CIT: variants seen among roughly 807,000 people sequenced by gnomAD.
The protein encoded by CIT is citron Rho-interacting kinase.
In CIT, 79 loss-of-function variants were observed where a neutral mutation model predicts 272.7. The ratio of observed to expected loss-of-function variants is 0.29; its 90% confidence interval spans 0.24 to 0.35. The LOEUF is 0.35. CIT is among the 10% of genes least tolerant of loss of function. The probability of loss-of-function intolerance (pLI) is 1.00; values close to 1 mark genes in which losing one functional copy is unlikely to be tolerated. For synonymous variants in CIT, 948 were observed against 995.6 expected, an observed-to-expected ratio of 0.95 and a Z score of 0.90; for missense variants, 1,909 against 2,618.3, an observed-to-expected ratio of 0.73 and a Z score of 5.91.
intron 10 of CIT, among the ~76,000 whole-genome samples, chr12:119,796,899 C>T (rs1001075986): frequency 7.9e-5 from 12 of 152,162 alleles, no homozygotes; most frequent in Non-Finnish European, 1.3e-4. Flanking sequence ...AATGGTATCA[C>T]GTGGTGAGAT....
chr12:119,713,571 G>A lies in CIT; in HGVS notation c.4384C>T (p.His1462Tyr), dbSNP rs367728830. Residue 1462 changes from histidine (H) to tyrosine (Y), a missense_variant, in exon 34 of 48, where the codon CAC becomes TAC. His to Tyr is a moderately conservative substitution (Grantham distance 83, BLOSUM62 2). Around this residue, in one of 8 missense-constraint regions of CIT, gnomAD observed 780 missense variants for 1,067.2 expected, o/e 0.73. Coordinates refer to ENST00000392521, the MANE Select transcript of CIT (RefSeq NM_001206999.2). The surrounding 1 kb of genome is among the most constrained non-coding windows in gnomAD (Gnocchi z 5.2). ...TCACGGCAGAAGGCCTCGGTGAAGT[G>A]TGTGGCATATTCAGCAGGCAAGCCG... ...TCGLPAEYAT[H>Y]FTEAFCRDKM... The A allele has an allele frequency of 6.2e-7, 1 of 1,614,234 alleles. No individual in the cohort carries two copies. The highest frequency in any genetic ancestry group is 8.5e-7 in the Non-Finnish European group (1 of 1,180,036).
At chr12:119,750,095 T>C (rs901200886) in intron 23 of CIT, among the ~76,000 whole-genome samples, 2 of 152,252 alleles carry the variant, frequency 1.3e-5, no homozygotes, top group Non-Finnish European at 2.9e-5. Context: ...CAAGGGCTTA[T>C]TAAATATGGA....
chr12:119,824,118 A>G (rs1420898382), intron 8 of CIT, among the ~76,000 whole-genome samples: 5 of 34,280 alleles, frequency 1.5e-4, no homozygotes, highest in Admixed American at 7.8e-4. Context: ...GTATATATAT[A>G]TATATATATA....
At chr12:119,727,922 C>CAAA (rs113396996) in intron 28 of CIT, among the ~76,000 whole-genome samples, 3 of 128,354 alleles carry the variant, frequency 2.3e-5, no homozygotes, top group African/African-American at 5.5e-5. Flanking sequence ...AGAGCAAGAC[C>CAAA]AAAAAAAAAA....
At chr12:119,795,297 G>T (rs1337823682) in intron 10 of CIT, among the ~76,000 whole-genome samples, 1 of 152,222 alleles carries the variant, frequency 6.6e-6, no homozygotes, top group Non-Finnish European at 1.5e-5. Flanking sequence ...TGAGGCACAA[G>T]AATCGCTTGA....
chr12:119,842,129 G>A (rs189789610), intron 5 of CIT, among the ~76,000 whole-genome samples: 47 of 152,128 alleles, frequency 3.1e-4, no homozygotes, highest in Admixed American at 7.2e-4. Flanking sequence ...AGTGACTCAC[G>A]CCTGTAATCC....
intron 27 of CIT, among the ~76,000 whole-genome samples, chr12:119,729,651 G>A (rs1381329854): frequency 2.0e-5 from 3 of 152,182 alleles, no homozygotes; most frequent in East Asian, 1.9e-4. Flanking sequence ...CACAGAGACT[G>A]CAAATAAATA....
At chr12:119,757,953 T>G (rs1032340160) in intron 21 of CIT, among the ~76,000 whole-genome samples, 2 of 152,166 alleles carry the variant, frequency 1.3e-5, no homozygotes, top group Admixed American at 6.5e-5. Flanking sequence ...GGAGAAAGAA[T>G]GGTATTCCTT....
In CIT at chr12:119,686,479, C is replaced by T. The variant is rs1955585306; in HGVS notation, c.*1753G>A. 1 of 152,240 alleles carries T rather than the reference C, an allele frequency of 6.6e-6. No homozygotes were observed. Among genetic ancestry groups the T allele is most frequent in the African/African-American group, 2.4e-5 (1 of 41,428 alleles). 9.4% of individuals were successfully genotyped at this position (152,240 alleles called of 1,614,324 possible). On this transcript the variant is annotated 3_prime_UTR_variant, in exon 48 of 48. Coordinates refer to ENST00000392521, the MANE Select transcript of CIT (RefSeq NM_001206999.2). ...GAGCTACCACATGGAGGTTTGTAGG[C>T]GTTTCAAACAAGAAAGCACTTAGGT...
rs1474937902 is a variant in CIT at position 119,756,977 on chromosome 12, G to A, written c.2706+394C>T. On this transcript the variant is annotated intron_variant, in intron 22 of 47. Transcript: ENST00000392521. ...AACCCTGTCTCTACAAAAATTGGCT[G>A]GGTGTGGTGCCAGGCGCCTGTAGTC... Among the ~76,000 whole-genome samples, 30 of 152,080 alleles carry A rather than the reference G, an allele frequency of 2.0e-4. 1 individual carries two copies. The highest frequency in any genetic ancestry group is 1.8e-3 in the Admixed American group (28 of 15,260).
chr12:119,708,059 C>G, intron 40 of CIT, 120 bp downstream of exon 40: 1 of 1,133,610 alleles, frequency 8.8e-7, no homozygotes, highest in African/African-American at 1.6e-5. Flanking sequence ...AAGAGAGCCC[C>G]TCTCTGTTTG....
At chr12:119,721,620 G>A (rs1957817298) in intron 28 of CIT, among the ~76,000 whole-genome samples, 171 bp from the exon 29 acceptor site, 1 of 152,232 alleles carries the variant, frequency 6.6e-6, no homozygotes, top group South Asian at 2.1e-4. Flanking sequence ...TGCAAGCACA[G>A]TTAAAATGAA....
intron 8 of CIT, among the ~76,000 whole-genome samples, chr12:119,824,618 A>G (rs751006168): frequency 5.3e-5 from 8 of 152,236 alleles, no homozygotes; most frequent in Non-Finnish European, 1.0e-4. Flanking sequence ...TAAGTGCCAT[A>G]TAAGTATTTG....
chr12:119,699,225 C>T (rs991857282), intron 44 of CIT, among the ~76,000 whole-genome samples: 2 of 130,258 alleles, frequency 1.5e-5, no homozygotes, highest in African/African-American at 6.0e-5. Flanking sequence ...CATTGCCCTA[C>T]AGCCTGGGCA....
intron 10 of CIT, among the ~76,000 whole-genome samples, chr12:119,786,455 C>T (rs1964805650): frequency 2.6e-5 from 4 of 152,178 alleles, no homozygotes; most frequent in African/African-American, 9.7e-5. Context: ...GTGGTTGGTA[C>T]ACTGGATATG....
At chr12:119,740,732 T>C (rs1338315841) in intron 24 of CIT, among the ~76,000 whole-genome samples, 1 of 152,128 alleles carries the variant, frequency 6.6e-6, no homozygotes, top group Non-Finnish European at 1.5e-5. Context: ...CGCGCATGTA[T>C]GTAATATAAG....
intron 23 of CIT, among the ~76,000 whole-genome samples, chr12:119,745,544 G>A (rs12301822): frequency 9.9e-5 from 15 of 152,056 alleles, no homozygotes; most frequent in East Asian, 5.8e-4. Context: ...AAGTCCTTCC[G>A]ACAGATGGAA....
chr12:119,817,389 G>A (rs1967288818), intron 9 of CIT, among the ~76,000 whole-genome samples: 1 of 152,094 alleles, frequency 6.6e-6, no homozygotes, highest in African/African-American at 2.4e-5. Flanking sequence ...GCGGGCACCT[G>A]TAGTCCCAGC....
chr12:119,738,057 T>C (rs1475635030), intron 24 of CIT, among the ~76,000 whole-genome samples: 1 of 152,214 alleles, frequency 6.6e-6, no homozygotes, highest in African/African-American at 2.4e-5. Flanking sequence ...TATTATTTTA[T>C]TTCTATTTTA....
Sources: allele counts gnomAD v4.1 joint callset (sites outside exome capture counted in the v4.1 genomes callset), GRCh38; gene constraint gnomAD v4.1.1; regional missense constraint gnomAD v4.1.1; non-coding constraint Gnocchi (gnomAD v3.1); transcripts MANE v1.5; gene names NCBI Gene and HGNC (gene_info 2026-07-23, HGNC 2026-07-21).